Variants in ICA1 observed in about 807,000 individuals in gnomAD.
The protein encoded by ICA1 is islet cell autoantigen 1.
Under a neutral mutation model 71.0 loss-of-function variants are expected in ICA1, and 40 were observed. That is an observed-to-expected ratio of 0.56 (90% CI 0.44 to 0.73). ICA1 has a LOEUF of 0.73. ICA1 is among the 30% of genes least tolerant of loss of function. The probability of loss-of-function intolerance (pLI) is 0.00; values close to 1 mark genes in which losing one functional copy is unlikely to be tolerated. For synonymous variants in ICA1, 207 were observed against 209.5 expected (o/e 0.99, Z 0.10); for missense variants, 578 against 576.5 (o/e 1.00, Z -0.03).
intron 6 of ICA1, among the ~76,000 whole-genome samples, chr7:8,162,936 G>C (rs1463068499): frequency 6.6e-6 from 1 of 152,142 alleles, no homozygotes; most frequent in African/African-American, 2.4e-5. Flanking sequence ...GCTAATTTTT[G>C]TATTTTTAGT....
At chr7:8,209,513 G>A (rs1792852373) in intron 6 of ICA1, among the ~76,000 whole-genome samples, 1 of 152,144 alleles carries the variant, frequency 6.6e-6, no homozygotes, top group Admixed American at 6.5e-5. Flanking sequence ...TTTATAAGAT[G>A]CATATTATGT....
At chr7:8,224,164 G>A (rs1458743766) in intron 4 of ICA1, among the ~76,000 whole-genome samples, 1 of 152,196 alleles carries the variant, frequency 6.6e-6, no homozygotes, top group African/African-American at 2.4e-5. Context: ...AGTTAAGAGT[G>A]AGCGGTCAGT....
chr7:8,184,891 A>G (rs998318375), intron 6 of ICA1, among the ~76,000 whole-genome samples: 6 of 152,198 alleles, frequency 3.9e-5, no homozygotes, highest in African/African-American at 1.4e-4. Context: ...CCTGGCCAAC[A>G]TGGTGAAACC....
chr7:8,232,398 A>T (rs1280706478), intron 3 of ICA1, among the ~76,000 whole-genome samples, 192 bp downstream of exon 3: 1 of 152,224 alleles, frequency 6.6e-6, no homozygotes, highest in Non-Finnish European at 1.5e-5. Context: ...TAAAATACAG[A>T]GTAACTGAGG....
chr7:8,167,451 A>G (rs1806454482), intron 6 of ICA1, among the ~76,000 whole-genome samples: 1 of 152,176 alleles, frequency 6.6e-6, no homozygotes, highest in South Asian at 2.1e-4. Flanking sequence ...AGAAGGGAAC[A>G]ACAGACACCA....
intron 8 of ICA1, among the ~76,000 whole-genome samples, chr7:8,153,440 T>C (rs1046617423): frequency 2.6e-5 from 4 of 152,092 alleles, no homozygotes. Flanking sequence ...GGGAAAATGG[T>C]CACTGATATA....
chr7:8,243,009 T>C (rs373897632), intron 1 of ICA1, among the ~76,000 whole-genome samples: 12 of 151,394 alleles, frequency 7.9e-5, no homozygotes, highest in African/African-American at 2.4e-4. Context: ...TGGTACCATT[T>C]CTTCTGAAAC....
intron 6 of ICA1, among the ~76,000 whole-genome samples, chr7:8,164,677 A>T (rs1357406107): frequency 6.6e-6 from 1 of 152,228 alleles, no homozygotes; most frequent in African/African-American, 2.4e-5. Context: ...AACATCCTGC[A>T]TTCAGGGAAA....
At chr7:8,195,637 G>A (rs546026816) in intron 6 of ICA1, among the ~76,000 whole-genome samples, 1 of 152,086 alleles carries the variant, frequency 6.6e-6, no homozygotes, top group Non-Finnish European at 1.5e-5. Flanking sequence ...TAAAACTAAA[G>A]TTCTTACCAT....
At chr7:8,166,963 A>T (rs1806223489) in intron 6 of ICA1, among the ~76,000 whole-genome samples, 1 of 152,228 alleles carries the variant, frequency 6.6e-6, no homozygotes, top group East Asian at 1.9e-4. Context: ...TGGCTATTAA[A>T]AAGTCAAAAA....
chr7:8,213,896 A>G (rs561918357), intron 6 of ICA1, among the ~76,000 whole-genome samples: 4 of 152,138 alleles, frequency 2.6e-5, no homozygotes, highest in Non-Finnish European at 4.4e-5. Flanking sequence ...AAAACCTAAC[A>G]CTATTTTAAA....
intron 1 of ICA1, among the ~76,000 whole-genome samples, chr7:8,249,330 C>T (rs188864131): frequency 3.3e-5 from 5 of 152,340 alleles, no homozygotes; most frequent in Admixed American, 1.3e-4. Context: ...ATGCAGTGAA[C>T]AAATTCTTCC....
intron 1 of ICA1, among the ~76,000 whole-genome samples, chr7:8,241,264 C>T (rs949707652): frequency 6.6e-6 from 1 of 152,212 alleles, no homozygotes; most frequent in Non-Finnish European, 1.5e-5. Context: ...CAATATTCAA[C>T]ATTCTTAAAG....
At chr7:8,167,992 A>G (rs1045915740) in intron 6 of ICA1, among the ~76,000 whole-genome samples, 1 of 150,700 alleles carries the variant, frequency 6.6e-6, no homozygotes, top group African/African-American at 2.5e-5. Context: ...GTGGCCTACA[A>G]AGAAAAACAG....
At chr7:8,156,706 C>G in intron 8 of ICA1, 2 of 902,548 alleles carry the variant, frequency 2.2e-6, no homozygotes, top group Non-Finnish European at 3.1e-6. Flanking sequence ...GACACCTTCT[C>G]AAGTGAGGAT....
At chr7:8,124,268 G>C (rs975455122) in intron 13 of ICA1, among the ~76,000 whole-genome samples, 8 of 151,664 alleles carry the variant, frequency 5.3e-5, no homozygotes, top group East Asian at 1.9e-4. Context: ...CTACAGGCAC[G>C]CACCAGCATG....
At chr7:8,146,742 C>CGTGT (rs111464131) in intron 8 of ICA1, among the ~76,000 whole-genome samples, 20 of 143,770 alleles carry the variant, frequency 1.4e-4, no homozygotes, top group East Asian at 1.1e-3. Flanking sequence ...TGTGCGTGTG[C>CGTGT]GTGTGTGTGT....
chr7:8,153,689 T>C (rs1420190514), intron 8 of ICA1, among the ~76,000 whole-genome samples: 4 of 152,084 alleles, frequency 2.6e-5, no homozygotes, highest in Admixed American at 2.6e-4. Flanking sequence ...TAAGTTACTT[T>C]CTCTAGAAAA....
At chr7:8,187,603 C>T (rs1049289965) in intron 6 of ICA1, among the ~76,000 whole-genome samples, 1 of 152,198 alleles carries the variant, frequency 6.6e-6, no homozygotes, top group Non-Finnish European at 1.5e-5. Flanking sequence ...CCTTAGCTTA[C>T]TGTAACTTTT....
Sources: allele counts gnomAD v4.1 joint callset (sites outside exome capture counted in the v4.1 genomes callset), GRCh38; gene constraint gnomAD v4.1.1; transcripts MANE v1.5; gene names NCBI Gene and HGNC (gene_info 2026-07-23, HGNC 2026-07-21).